The following CCNK variants were observed in gnomAD, a reference collection of about 807,000 sequenced individuals.
CCNK encodes cyclin K.
CCNK carries 9 observed loss-of-function variants against 65.0 expected under a neutral mutation model. The observed-to-expected ratio is 0.14, with a 90% CI of 0.08 to 0.24. CCNK has a LOEUF of 0.24. Ranked by LOEUF, CCNK falls within the 10% of genes least tolerant of loss-of-function variation. CCNK has a pLI of 1.00. For synonymous variants in CCNK, 279 were observed against 270.8 expected (o/e 1.03, Z -0.30); for missense variants, 474 against 720.0 (o/e 0.66, Z 3.91).
intron 8 of CCNK, 140 bp from the exon 9 acceptor site, chr14:99,503,471 A>T: frequency 1.5e-6 from 1 of 675,794 alleles, no homozygotes; most frequent in Non-Finnish European, 2.6e-6. Flanking sequence ...TTGCCCTGAA[A>T]GTTCAGGCTA....
At position 99,502,750 on chromosome 14, in the gene CCNK, A is replaced by G. The variant is rs372835830; in HGVS notation, c.777A>G (p.Ser259=). The G allele has an allele frequency of 4.8e-5, 78 of 1,613,464 alleles. 2 individuals are homozygous for G. The highest frequency in any genetic ancestry group is 3.6e-4 in the East Asian group (16 of 44,894). Residue 259 remains serine (S), a synonymous_variant, in exon 8 of 11, where the codon TCA becomes TCG. Coordinates refer to ENST00000389879, the MANE Select transcript of CCNK (RefSeq NM_001099402.2). ...GCCACCAAATCCTGGATCTTTACTC[A>G]CAAGGAAAACAACAGATGCCTCATC... ...DICHQILDLY[S]QGKQQMPHHT...
chr14:99,495,394 A>T, intron 3 of CCNK, 104 bp from the exon 4 acceptor site: 1 of 940,548 alleles, frequency 1.1e-6, no homozygotes, highest in Non-Finnish European at 1.5e-6. Flanking sequence ...AAAGAAAGGT[A>T]GGGGAATGAG....
At chr14:99,507,171 GGCCAGCTGT>G in intron 10 of CCNK, 24 bp downstream of exon 10, 1 of 1,451,738 alleles carries the variant, frequency 6.9e-7, no homozygotes, top group Non-Finnish European at 9.7e-7. Context: ...GAAGCAGCTT[GGCCAGCTGT>G]GCACATCGCC....
intron 1 of CCNK, among the ~76,000 whole-genome samples, chr14:99,484,233 AG>A (rs887814853): frequency 2.0e-5 from 3 of 152,218 alleles, no homozygotes; most frequent in Admixed American, 1.3e-4. Flanking sequence ...TGAATTAGTC[AG>A]GTTGTTTCGT....
At chr14:99,487,076 T>C (rs1896504245) in intron 1 of CCNK, among the ~76,000 whole-genome samples, 3 of 152,214 alleles carry the variant, frequency 2.0e-5, no homozygotes, top group Admixed American at 2.0e-4. Context: ...GGCGTATGTA[T>C]ATTAAAGTAG....
intron 1 of CCNK, among the ~76,000 whole-genome samples, chr14:99,483,257 G>A: frequency 6.6e-6 from 1 of 152,120 alleles, no homozygotes; most frequent in Non-Finnish European, 1.5e-5. Context: ...AGTGAGAAAA[G>A]GCCAGGTGAG....
intron 9 of CCNK, chr14:99,505,972 A>G (rs1228529854): frequency 6.6e-6 from 1 of 152,568 alleles, no homozygotes; most frequent in Non-Finnish European, 1.5e-5. Flanking sequence ...AGCTGTGGAA[A>G]AAGGCAGGAG....
chr14:99,482,107 C>T (rs1208094566), intron 1 of CCNK, among the ~76,000 whole-genome samples: 1 of 152,212 alleles, frequency 6.6e-6, no homozygotes, highest in Non-Finnish European at 1.5e-5. Context: ...TGTGACAGCT[C>T]CTAAACGATT....
chr14:99,487,080 A>G (rs1023745259), intron 1 of CCNK, among the ~76,000 whole-genome samples: 1 of 152,224 alleles, frequency 6.6e-6, no homozygotes, highest in African/African-American at 2.4e-5. Context: ...TATGTATATT[A>G]AAGTAGCAAT....
intron 4 of CCNK, among the ~76,000 whole-genome samples, chr14:99,499,884 A>G (rs1385977988): frequency 6.6e-6 from 1 of 152,238 alleles, no homozygotes; most frequent in Admixed American, 6.5e-5. Flanking sequence ...TAATTATTCT[A>G]TAAATCCTCT....
At position 99,502,660 on chromosome 14, in the gene CCNK, G is replaced by C. The variant is rs1035122250; in HGVS notation, c.746-59G>C. 26 of 1,512,578 alleles carry C rather than the reference G, an allele frequency of 1.7e-5. 1 individual carries two copies. Among genetic ancestry groups the C allele is most frequent in the South Asian group, 1.1e-4 (10 of 87,066 alleles). The allele number at this position is 1,512,578 out of a possible 1,614,324, so 93.7% of individuals were successfully genotyped here. On this transcript the variant is annotated intron_variant, in intron 7 of 10. Transcript: ENST00000389879. Reference sequence around the variant, plus strand: ...GGTATCATAACTGATTCTTTATCCAGGTAAAATTTTATTTAAAATACCAAT... The same window carrying C: ...GGTATCATAACTGATTCTTTATCCACGTAAAATTTTATTTAAAATACCAAT...
At chr14:99,490,230 T>G (rs1274365737) in intron 1 of CCNK, among the ~76,000 whole-genome samples, 1 of 152,144 alleles carries the variant, frequency 6.6e-6, no homozygotes, top group Non-Finnish European at 1.5e-5. Context: ...GAATAGAAGA[T>G]AGGAAGGGAA....
chr14:99,492,461 A>G, intron 1 of CCNK, 165 bp from the exon 2 acceptor site: 1 of 526,128 alleles, frequency 1.9e-6, no homozygotes, highest in Non-Finnish European at 3.3e-6. Flanking sequence ...GTCATCTTAC[A>G]GTATTGTGTT....
At chr14:99,493,693 A>G in intron 3 of CCNK, 98 bp downstream of exon 3, 1 of 827,882 alleles carries the variant, frequency 1.2e-6, no homozygotes, top group Non-Finnish European at 1.9e-6. Flanking sequence ...CATATTTTCC[A>G]GAAAGTATTT....
chr14:99,510,734 C>A lies in CCNK; in HGVS notation c.1695C>A (p.Pro565=). Residue 565 remains proline (P), a synonymous_variant, in exon 11 of 11, where the codon CCC becomes CCA. Coordinates refer to ENST00000389879, the MANE Select transcript of CCNK (RefSeq NM_001099402.2). ...CTGTGCCCCCGCCCATTCCCCCACC[C>A]GGCATGCCTCCAGTTGGGGGGCTGG... is the stretch of plus-strand genomic sequence containing the variant. ...QPPVPPPIPP[P]GMPPVGGLGR... The A allele has an allele frequency of 6.9e-7, 1 of 1,439,744 alleles. No individual in the cohort carries two copies. The highest frequency in any genetic ancestry group is 9.1e-7 in the Non-Finnish European group (1 of 1,096,172). The allele number at this position is 1,439,744 out of a possible 1,614,324, so 89.2% of individuals were successfully genotyped here. A position where few individuals can be genotyped will look rare whatever the true frequency, so the allele number is the denominator to read the frequency against.
chr14:99,493,768 C>T (rs1216991531), intron 3 of CCNK, among the ~76,000 whole-genome samples, 173 bp downstream of exon 3: 2 of 152,092 alleles, frequency 1.3e-5, no homozygotes, highest in Non-Finnish European at 2.9e-5. Context: ...TTCCAATTAG[C>T]CATGTTCAAA....
intron 1 of CCNK, 56 bp downstream of exon 1, chr14:99,481,535 C>T (rs1307864291): frequency 1.0e-5 from 4 of 398,444 alleles, no homozygotes; most frequent in African/African-American, 6.2e-5. Flanking sequence ...ATCTGGAGGT[C>T]GGAGTAGGTT....
At chr14:99,496,693 G>C (rs1297246841) in intron 4 of CCNK, among the ~76,000 whole-genome samples, 2 of 150,550 alleles carry the variant, frequency 1.3e-5, no homozygotes, top group Non-Finnish European at 3.0e-5. Context: ...CTGGGCGACG[G>C]AGCAAAACTC....
intron 10 of CCNK, 174 bp downstream of exon 10, chr14:99,507,321 G>C: frequency 3.2e-6 from 2 of 624,412 alleles, no homozygotes; most frequent in East Asian, 2.7e-5. Flanking sequence ...TTGTGTTTTT[G>C]ATCCCAGCAC....
Sources: gnomAD v4.1 joint callset for allele counts (sites outside exome capture counted in the v4.1 genomes callset) on GRCh38, gnomAD v4.1.1 for gene constraint, MANE v1.5 for transcripts, NCBI Gene and HGNC (gene_info 2026-07-23, HGNC 2026-07-21) for gene names.